Variants in USP35 observed in about 807,000 individuals in gnomAD.
USP35 encodes ubiquitin specific peptidase 35.
In USP35, 69 loss-of-function variants were observed where a neutral mutation model predicts 83.8. The observed-to-expected ratio is 0.82, with a 90% CI of 0.68 to 1.01. USP35 has a LOEUF of 1.01. Among genes scored for constraint, USP35 ranks in the 50% least tolerant of loss-of-function variants. The pLI, the probability that USP35 is intolerant of heterozygous loss-of-function variation, is 0.00. For synonymous variants in USP35, 714 were observed against 589.5 expected, an observed-to-expected ratio of 1.21 and a Z score of -3.06; for missense variants, 1,503 against 1,362.5, an observed-to-expected ratio of 1.10 and a Z score of -1.62.
At chr11:78,219,006 AAGT>A, downstream of USP35, 1 of 438,130 alleles carries the variant, frequency 2.3e-6, no homozygotes, top group South Asian at 3.7e-5. Context: ...TGCTTTTTGG[AAGT>A]AGCTCCTAAC....
Position 78,210,240 on chromosome 11 carries a change from G to A in USP35, c.2385G>A (p.Val795=). The A allele has an allele frequency of 6.2e-7, 1 of 1,614,124 alleles. No individual in the cohort carries two copies. The highest frequency in any genetic ancestry group is 8.5e-7 in the Non-Finnish European group (1 of 1,180,018). The change falls in exon 10 of 11, where the codon GTG becomes GTA. Residue 795 remains valine, a synonymous_variant. Transcript: ENST00000529308. ...CCCTGCAGGATGCCGAGAAGGTGGT[G>A]GAGCTGAGCCAAGGGCCGTGCTACC... ...CASLQDAEKV[V]ELSQGPCYLI... is the part of the protein sequence containing the mutation.
At chr11:78,219,320 C>A, downstream of USP35, 1 of 1,613,926 alleles carries the variant, frequency 6.2e-7, no homozygotes, top group South Asian at 1.1e-5. Context: ...GCACGTCTGT[C>A]CACTCCTGCA....
chr11:78,188,953 G>A lies in USP35; in HGVS notation c.-215G>A, dbSNP rs945851126. The A allele has an allele frequency of 6.0e-5, 59 of 985,554 alleles. No individual in the cohort carries two copies. Among genetic ancestry groups the A allele is most frequent in the Non-Finnish European group, 6.6e-5 (55 of 830,120 alleles). 61.1% of individuals were successfully genotyped at this position (985,554 alleles called of 1,614,324 possible). A position where few individuals can be genotyped will look rare whatever the true frequency, so the allele number is the denominator to read the frequency against. ...GCCGCGCCGCAGAGTCGGGCTTCCT[G>A]GATACATAGAGGCTTGTGCCAGGCG... On this transcript the variant is annotated 5_prime_UTR_variant, in exon 1 of 11. Transcript: ENST00000529308.
At chr11:78,230,629 G>A in the USP35 span, among the ~76,000 whole-genome samples, 1 of 152,240 alleles carries the variant, frequency 6.6e-6, no homozygotes, top group Non-Finnish European at 1.5e-5. Context: ...CCTGTACCCT[G>A]GCATAGTGCC....
intron 10 of USP35, 115 bp from the exon 11 acceptor site, chr11:78,213,531 G>T: frequency 8.1e-7 from 1 of 1,230,952 alleles, no homozygotes. Flanking sequence ...ATGTCTCTGT[G>T]TGTCCAGGCC....
the USP35 span, among the ~76,000 whole-genome samples, chr11:78,225,865 A>T: frequency 1.6e-4 from 24 of 152,368 alleles, no homozygotes; most frequent in East Asian, 3.7e-3. Context: ...TTTGCAAACC[A>T]TAAAGCAAGA....
intron 9 of USP35, 98 bp from the exon 10 acceptor site, chr11:78,209,350 T>C: frequency 7.7e-7 from 1 of 1,295,086 alleles, no homozygotes. Flanking sequence ...TGCGTCTCAA[T>C]GTGTGGCTGT....
chr11:78,229,833 G>C, the USP35 span, among the ~76,000 whole-genome samples: 6 of 152,186 alleles, frequency 3.9e-5, no homozygotes, highest in Non-Finnish European at 8.8e-5. Context: ...GTTGGGCTGT[G>C]TCTGGAAGGC....
chr11:78,234,999 C>T, the USP35 span, among the ~76,000 whole-genome samples: 38 of 152,064 alleles, frequency 2.5e-4, no homozygotes, highest in African/African-American at 8.7e-4. Flanking sequence ...GACAGAGCGA[C>T]AGACTTTCTC....
At chr11:78,223,664 T>C in the USP35 span, 1 of 1,600,234 alleles carries the variant, frequency 6.2e-7, no homozygotes, top group Non-Finnish European at 8.5e-7. Context: ...CGGCCCACAA[T>C]CATTTTCCCT....
chr11:78,234,807 C>T, the USP35 span, among the ~76,000 whole-genome samples: 2 of 151,784 alleles, frequency 1.3e-5, no homozygotes, highest in Admixed American at 1.3e-4. Context: ...TTAAAAATTT[C>T]TTTGGTTGCT....
downstream of USP35, chr11:78,219,226 C>T (rs776982504): frequency 5.7e-6 from 9 of 1,585,406 alleles, no homozygotes; most frequent in Admixed American, 8.4e-5. Flanking sequence ...ATGGGAAGGG[C>T]CAGCTCTGGA....
Position 78,196,487 on chromosome 11 carries a change from G to A in USP35, c.242G>A (p.Ser81Asn). The change falls in exon 2 of 11, where the codon AGC becomes AAC. Residue 81 changes from serine to asparagine, a missense_variant. Coordinates refer to ENST00000529308, the MANE Select transcript of USP35 (RefSeq NM_020798.4). This position sits in a 1 kb window ranked among gnomAD's most constrained non-coding sequence, Gnocchi z 4.8. ...HHPDVFAEFF[S>N]ARRVLRLLQG... is the part of the protein sequence containing the mutation. Reference sequence around the variant, plus strand: ...CCCGACGTCTTCGCCGAGTTCTTCAGCGCGCGTCGCGTGCTGCGCCTGCTG... The same window carrying A: ...CCCGACGTCTTCGCCGAGTTCTTCAACGCGCGTCGCGTGCTGCGCCTGCTG... 8.1e-7 allele frequency: 1 copy of A among 1,232,322 alleles called. No homozygotes were observed. Among genetic ancestry groups the A allele is most frequent in the South Asian group, 2.4e-5 (1 of 42,022 alleles). The allele number at this position is 1,232,322 out of a possible 1,614,324, so 76.3% of individuals were successfully genotyped here. A position where few individuals can be genotyped will look rare whatever the true frequency, so the allele number is the denominator to read the frequency against.
chr11:78,213,649 C>T lies in USP35; in HGVS notation c.2893C>T (p.Gln965Ter). The T allele has an allele frequency of 6.7e-7, 1 of 1,486,026 alleles. No individual in the cohort carries two copies. The allele number at this position is 1,486,026 out of a possible 1,614,324, so 92.1% of individuals were successfully genotyped here. The change falls in exon 11 of 11, where the codon CAG becomes TAG. Residue 965 changes from glutamine to a stop codon, truncating the protein, a stop_gained. Coordinates refer to ENST00000529308, the MANE Select transcript of USP35 (RefSeq NM_020798.4). LOFTEE classifies it high-confidence loss of function. ...CTCCTCTCATCTGTGTTCCCAGGAG[C>T]AGGAGAAGGAGGCCCGGAGCAGGGC... ...SKDNILYLQE[Q>*]EKEARSRAAY...
chr11:78,189,183 G>C (rs1278766304), intron 1 of USP35, 26 bp downstream of exon 1: 1 of 156,180 alleles, frequency 6.4e-6, no homozygotes, highest in African/African-American at 2.4e-5. Context: ...GCGTGTGACT[G>C]TCTTTGGGGG....
chr11:78,237,041 G>A, the USP35 span, among the ~76,000 whole-genome samples: 2 of 152,074 alleles, frequency 1.3e-5, no homozygotes, highest in African/African-American at 4.8e-5. Context: ...TTGATAGTAG[G>A]GTTATGCTGG....
rs375971115 is a variant in USP35, at chr11:78,210,145, C to A, written c.2290C>A (p.Leu764Met). The change falls in exon 10 of 11, where the codon CTG becomes ATG. Residue 764 changes from leucine to methionine, a missense_variant. Transcript: ENST00000529308. The part of the protein sequence containing the change: ...GSEGSRSVLD[L>M]VNYFLSPEKL... ...TGAGGGCTCCCGCTCCGTCCTGGAC[C>A]TGGTTAACTACTTCCTGTCCCCCGA... 1.9e-6 allele frequency: 3 copies of A among 1,613,522 alleles called. No homozygotes were observed. Among genetic ancestry groups the A allele is most frequent in the Non-Finnish European group, 8.5e-7 (1 of 1,179,810 alleles).
the USP35 span, among the ~76,000 whole-genome samples, chr11:78,233,040 G>GTTTTTTT: frequency 3.1e-3 from 405 of 131,962 alleles, 13 homozygotes; most frequent in African/African-American, 9.4e-3. Context: ...GCACTGTTAA[G>GTTTTTTT]TTTTTTTTTT....
intron 2 of USP35, among the ~76,000 whole-genome samples, chr11:78,197,577 T>G (rs1863191167): frequency 1.3e-5 from 2 of 152,062 alleles, no homozygotes. Flanking sequence ...GAAATGGTCT[T>G]TCTCATCTAG....
Sources: allele counts gnomAD v4.1 joint callset (sites outside exome capture counted in the v4.1 genomes callset), GRCh38; gene constraint gnomAD v4.1.1; non-coding constraint Gnocchi (gnomAD v3.1); transcripts MANE v1.5; gene names NCBI Gene and HGNC (gene_info 2026-07-23, HGNC 2026-07-21).